Variants in FER1L6 observed in about 807,000 individuals in gnomAD.
FER1L6 encodes fer-1-like protein 6.
Under a neutral mutation model 219.2 loss-of-function variants are expected in FER1L6, and 177 were observed. The ratio of observed to expected loss-of-function variants is 0.81; its 90% CI spans 0.71 to 0.91. The LOEUF is 0.91. Ranked by LOEUF, FER1L6 falls within the 40% of genes least tolerant of loss-of-function variation. The pLI is 0.00. For synonymous variants in FER1L6, 768 were observed against 824.3 expected (o/e 0.93, Z 1.17); for missense variants, 2,153 against 2,259.9 (o/e 0.95, Z 0.96).
chr8:123,961,871 G>A (rs1020137744), intron 2 of FER1L6, among the ~76,000 whole-genome samples: 7 of 146,628 alleles, frequency 4.8e-5, no homozygotes, highest in Non-Finnish European at 9.1e-5. Context: ...TTTTTTGTTT[G>A]TTTGTTTTCT....
chr8:123,879,624 C>T (rs1418600788), intron 1 of FER1L6, among the ~76,000 whole-genome samples: 1 of 151,900 alleles, frequency 6.6e-6, no homozygotes, highest in Non-Finnish European at 1.5e-5. Flanking sequence ...CGTGCCTGGC[C>T]GGAGTCAATA....
intron 1 of FER1L6, among the ~76,000 whole-genome samples, chr8:123,898,407 C>A (rs1302103974): frequency 6.6e-6 from 1 of 151,612 alleles, no homozygotes; most frequent in Non-Finnish European, 1.5e-5. Flanking sequence ...TACACTGTAC[C>A]ATATTTGTAG....
intron 12 of FER1L6, among the ~76,000 whole-genome samples, chr8:124,001,695 C>A (rs1350441047): frequency 6.6e-6 from 1 of 152,316 alleles, no homozygotes; most frequent in East Asian, 1.9e-4. Context: ...GAGAAAGACT[C>A]TTAAGGACAT....
At chr8:124,076,141 G>C in intron 31 of FER1L6, 57 bp from the exon 32 acceptor site, 1 of 1,603,300 alleles carries the variant, frequency 6.2e-7, no homozygotes, top group Non-Finnish European at 8.5e-7. Flanking sequence ...GGTAATCCCA[G>C]TGTACAACCA....
chr8:124,034,156 A>G (rs72714686), intron 18 of FER1L6, among the ~76,000 whole-genome samples: 6,312 of 151,992 alleles, frequency 0.042, 218 homozygotes, highest in Non-Finnish European at 0.065. Context: ...TGTTAAAAAA[A>G]AAAAAGAAGA....
At chr8:124,016,856 T>TA (rs1254882462) in intron 15 of FER1L6, among the ~76,000 whole-genome samples, 1 of 152,200 alleles carries the variant, frequency 6.6e-6, no homozygotes, top group South Asian at 2.1e-4. Flanking sequence ...ATTGTTCAAT[T>TA]ATTTTTGAAG....
Position 123,920,717 on chromosome 8 carries a change from T to C in FER1L6, c.-7-35275T>C, listed in dbSNP as rs188185180. Among the ~76,000 whole-genome samples, 8 of 152,354 alleles carry C rather than the reference T, an allele frequency of 5.3e-5. No individual in the cohort carries two copies. The East Asian group carries it at 1.3e-3, about 26-fold the overall frequency. On this transcript the variant is annotated intron_variant, in intron 1 of 40. Coordinates refer to ENST00000522917, the MANE Select transcript of FER1L6 (RefSeq NM_001039112.2). ...TGTAAAAAACCATAAAATTTACCATTGTAACTATTTTAAGTGTACAGTTCA... is the reference window on the plus strand; with the variant it reads ...TGTAAAAAACCATAAAATTTACCATCGTAACTATTTTAAGTGTACAGTTCA...
At chr8:123,880,038 T>G (rs1466778408) in intron 1 of FER1L6, among the ~76,000 whole-genome samples, 1 of 152,174 alleles carries the variant, frequency 6.6e-6, no homozygotes, top group African/African-American at 2.4e-5. Context: ...AACACAGCTT[T>G]AGATCATATC....
intron 39 of FER1L6, among the ~76,000 whole-genome samples, chr8:124,105,593 G>A (rs1363804213): frequency 6.6e-6 from 1 of 152,196 alleles, no homozygotes; most frequent in Non-Finnish European, 1.5e-5. Context: ...AAGGGCACTT[G>A]GTTACTGTGT....
chr8:124,095,618 T>C (rs569768743), intron 35 of FER1L6, among the ~76,000 whole-genome samples: 42 of 152,184 alleles, frequency 2.8e-4, no homozygotes, highest in Admixed American at 4.6e-4. Context: ...GAGCCTTCCG[T>C]GTACTAGGAC....
chr8:124,042,013 G>A (rs1009742982), intron 20 of FER1L6, among the ~76,000 whole-genome samples: 6 of 152,114 alleles, frequency 3.9e-5, no homozygotes, highest in East Asian at 1.9e-4. Context: ...GTGACTGCTT[G>A]TTGTTGTTGT....
At chr8:123,955,636 G>A (rs1814978956) in intron 1 of FER1L6, among the ~76,000 whole-genome samples, 1 of 152,238 alleles carries the variant, frequency 6.6e-6, no homozygotes, top group Non-Finnish European at 1.5e-5. Context: ...GGGCAGGAGA[G>A]GGTTGCTGTG....
intron 5 of FER1L6, among the ~76,000 whole-genome samples, chr8:123,966,831 C>A (rs887604028): frequency 6.6e-6 from 1 of 152,108 alleles, no homozygotes; most frequent in Non-Finnish European, 1.5e-5. Flanking sequence ...CCTGTAATCC[C>A]AGCACTTTGG....
At chr8:124,000,475 T>C (rs1325377087) in intron 12 of FER1L6, among the ~76,000 whole-genome samples, 1 of 152,228 alleles carries the variant, frequency 6.6e-6, no homozygotes, top group African/African-American at 2.4e-5. Flanking sequence ...TCTAGATTTA[T>C]TTTCATACTT....
intron 17 of FER1L6, 34 bp from the exon 18 acceptor site, chr8:124,023,410 T>C (rs762132429): frequency 6.2e-7 from 1 of 1,602,598 alleles, no homozygotes; most frequent in East Asian, 2.2e-5. Flanking sequence ...CAAATCCCAT[T>C]CCTATTCAAT....
intron 1 of FER1L6, among the ~76,000 whole-genome samples, chr8:123,904,914 T>C (rs1211554327): frequency 6.6e-6 from 1 of 152,180 alleles, no homozygotes; most frequent in Non-Finnish European, 1.5e-5. Context: ...GTTTGGTAGT[T>C]TGAAATCAGC....
chr8:123,958,458 T>C (rs1815115812), intron 2 of FER1L6, among the ~76,000 whole-genome samples: 1 of 152,120 alleles, frequency 6.6e-6, no homozygotes, highest in South Asian at 2.1e-4. Flanking sequence ...CCCACCAGAC[T>C]TCCTTTCCTT....
At chr8:124,056,540 G>A (rs370559827) in intron 22 of FER1L6, among the ~76,000 whole-genome samples, 133 of 152,230 alleles carry the variant, frequency 8.7e-4, no homozygotes, top group African/African-American at 3.0e-3. Flanking sequence ...TCTGATGCTT[G>A]GCACTCATTA....
intron 1 of FER1L6, among the ~76,000 whole-genome samples, chr8:123,953,555 G>A (rs116145459): frequency 1.5e-4 from 23 of 152,296 alleles, no homozygotes; most frequent in Middle Eastern, 3.4e-3. Flanking sequence ...CCATGACAGC[G>A]TCTTCAGCCA....
Sources: gnomAD v4.1 joint callset for allele counts (sites outside exome capture counted in the v4.1 genomes callset) on GRCh38, gnomAD v4.1.1 for gene constraint, MANE v1.5 for transcripts, NCBI Gene and HGNC (gene_info 2026-07-23, HGNC 2026-07-21) for gene names.